RTN4RL1: variants seen among roughly 807,000 people sequenced by gnomAD.
RTN4RL1 encodes the protein reticulon-4 receptor-like 1.
RTN4RL1 carries 7 observed loss-of-function variants against 25.6 expected under a neutral mutation model. That is an observed-to-expected ratio of 0.27 (90% CI 0.16 to 0.51). The LOEUF is 0.51. Among genes scored for constraint, RTN4RL1 ranks in the 20% least tolerant of loss-of-function variants. The probability of loss-of-function intolerance (pLI) is 0.97; values close to 1 mark genes in which losing one functional copy is unlikely to be tolerated. For synonymous variants in RTN4RL1, 297 were observed against 288.2 expected, an observed-to-expected ratio of 1.03 and a Z score of -0.31; for missense variants, 500 against 615.6, an observed-to-expected ratio of 0.81 and a Z score of 1.99.
rs1018257391 is a variant in RTN4RL1 at position 2,011,395 on chromosome 17, C to T, written c.13+13458G>A. Among the ~76,000 whole-genome samples the T allele has an allele frequency of 2.0e-5, 3 of 152,200 alleles. No homozygotes were observed. The East Asian group carries it at 5.8e-4, about 29-fold the overall frequency. The stretch of plus-strand genomic sequence containing the variant: ...GGTGATCATGGTCTGTAACACGGTC[C>T]GACAGGAGTCATGACACGGCTGGCT... On this transcript the variant is annotated intron_variant, in intron 1 of 1. Coordinates refer to ENST00000331238, the MANE Select transcript of RTN4RL1 (RefSeq NM_178568.4).
chr17:1,936,376 G>A lies in RTN4RL1; in HGVS notation c.*120C>T, dbSNP rs957527801. 12 of 1,445,266 alleles carry A rather than the reference G, an allele frequency of 8.3e-6. No individual in the cohort carries two copies. The highest frequency in any genetic ancestry group is 2.5e-4 in the Middle Eastern group (1 of 4,048). 89.5% of individuals were successfully genotyped at this position (1,445,266 alleles called of 1,614,324 possible). ...GGGTCCAGACGTCCAGACAGCAGCC[G>A]AAGGCTCTACCAGCCTTTTCCTGAA... On this transcript the variant is annotated 3_prime_UTR_variant, in exon 2 of 2. Coordinates refer to ENST00000331238, the MANE Select transcript of RTN4RL1 (RefSeq NM_178568.4).
chr17:2,019,845 C>T (rs2067177605), intron 1 of RTN4RL1: 1 of 152,220 alleles, frequency 6.6e-6, no homozygotes, highest in African/African-American at 2.4e-5. Flanking sequence ...GGAATTGTTT[C>T]CCATGCTGGC....
intron 1 of RTN4RL1, among the ~76,000 whole-genome samples, chr17:1,975,955 C>T (rs533961129): frequency 3.6e-4 from 55 of 152,264 alleles, no homozygotes; most frequent in African/African-American, 1.3e-3. Context: ...ACTTGGGAGC[C>T]GTGAGAAACG....
At chr17:1,940,372 T>G (rs1377146626) in intron 1 of RTN4RL1, among the ~76,000 whole-genome samples, 1 of 152,216 alleles carries the variant, frequency 6.6e-6, no homozygotes, top group East Asian at 1.9e-4. Context: ...CAGTGACTTC[T>G]GTCCCGCCCA....
chr17:2,022,538 C>A (rs920398103), intron 1 of RTN4RL1, among the ~76,000 whole-genome samples: 3 of 152,248 alleles, frequency 2.0e-5, no homozygotes, highest in African/African-American at 7.2e-5. Flanking sequence ...TAGCCTCAGG[C>A]ATGCTTTTGG....
intron 1 of RTN4RL1, among the ~76,000 whole-genome samples, chr17:1,974,948 T>G (rs1359507429): frequency 6.6e-6 from 1 of 152,178 alleles, no homozygotes; most frequent in Non-Finnish European, 1.5e-5. Flanking sequence ...GCACTGAAAC[T>G]CAGCCTCACT....
chr17:1,997,349 G>C (rs1163716697), intron 1 of RTN4RL1, among the ~76,000 whole-genome samples: 1 of 152,208 alleles, frequency 6.6e-6, no homozygotes, highest in Non-Finnish European at 1.5e-5. Context: ...GCCAGCTCCA[G>C]GACCAGCCCA....
chr17:1,945,403 A>G (rs1035464837), intron 1 of RTN4RL1, among the ~76,000 whole-genome samples: 4 of 152,126 alleles, frequency 2.6e-5, no homozygotes, highest in African/African-American at 9.7e-5. Context: ...TTGTATTTTT[A>G]GTAGAAATGG....
At chr17:1,992,130 C>T (rs983533552) in intron 1 of RTN4RL1, among the ~76,000 whole-genome samples, 4 of 152,116 alleles carry the variant, frequency 2.6e-5, no homozygotes, top group East Asian at 3.9e-4. Context: ...TTTGGGAGGC[C>T]GCGGCGGGTG....
chr17:1,943,223 G>A (rs1377016243), intron 1 of RTN4RL1, among the ~76,000 whole-genome samples: 3 of 152,234 alleles, frequency 2.0e-5, no homozygotes, highest in African/African-American at 7.2e-5. Flanking sequence ...CACCGGCCAC[G>A]GCACATGGCT....
At chr17:1,978,917 T>C (rs1399714298) in intron 1 of RTN4RL1, among the ~76,000 whole-genome samples, 2 of 152,344 alleles carry the variant, frequency 1.3e-5, no homozygotes, top group South Asian at 2.1e-4. Context: ...CTTCCCCACG[T>C]GGTGGCTATG....
chr17:1,941,591 TC>T (rs1462026742), intron 1 of RTN4RL1, among the ~76,000 whole-genome samples: 2 of 151,920 alleles, frequency 1.3e-5, no homozygotes, highest in Non-Finnish European at 2.9e-5. Flanking sequence ...GGAGGGCCCC[TC>T]GGGGGCCAGG....
intron 1 of RTN4RL1, among the ~76,000 whole-genome samples, chr17:1,943,052 C>T (rs1014001803): frequency 2.6e-5 from 4 of 152,210 alleles, no homozygotes; most frequent in Non-Finnish European, 4.4e-5. Flanking sequence ...AGGCCCAGGC[C>T]GGCCAGCCAC....
intron 1 of RTN4RL1, among the ~76,000 whole-genome samples, chr17:2,008,575 G>C (rs1486791364): frequency 6.6e-6 from 1 of 151,930 alleles, no homozygotes; most frequent in African/African-American, 2.4e-5. Context: ...TTGCTCCCTG[G>C]GTATGCATTT....
chr17:2,020,868 C>T (rs189757886), intron 1 of RTN4RL1, among the ~76,000 whole-genome samples: 68 of 152,292 alleles, frequency 4.5e-4, no homozygotes, highest in African/African-American at 1.4e-3. Context: ...AGGAAAGCCA[C>T]GGGTCCCGAC....
chr17:2,010,825 G>A (rs1313708419), intron 1 of RTN4RL1, among the ~76,000 whole-genome samples: 1 of 152,144 alleles, frequency 6.6e-6, no homozygotes, highest in Non-Finnish European at 1.5e-5. Context: ...GGGTTCGAGT[G>A]ATCCTCCCAC....
intron 1 of RTN4RL1, among the ~76,000 whole-genome samples, chr17:1,990,480 G>A (rs2066904235): frequency 6.6e-6 from 1 of 152,088 alleles, no homozygotes; most frequent in African/African-American, 2.4e-5. Flanking sequence ...GCAGGAGGAT[G>A]GCTTGAGCTC....
At chr17:2,010,771 G>C (rs908926891) in intron 1 of RTN4RL1, among the ~76,000 whole-genome samples, 2 of 152,120 alleles carry the variant, frequency 1.3e-5, no homozygotes, top group African/African-American at 4.8e-5. Context: ...GCACTTTGTA[G>C]AGATGAAGTC....
intron 1 of RTN4RL1, among the ~76,000 whole-genome samples, chr17:1,939,196 CA>C (rs1196860697): frequency 2.1e-3 from 310 of 150,654 alleles, no homozygotes; most frequent in Non-Finnish European, 2.9e-3. Flanking sequence ...ACTAAAAATA[CA>C]AAAAAATTAG....
Sources: allele counts gnomAD v4.1 joint callset (sites outside exome capture counted in the v4.1 genomes callset), GRCh38; gene constraint gnomAD v4.1.1; transcripts MANE v1.5; gene names NCBI Gene and HGNC (gene_info 2026-07-23, HGNC 2026-07-21).